The following LEMD1 variants were observed in gnomAD, a reference collection of about 807,000 sequenced individuals.
The protein encoded by LEMD1 is LEM domain-containing protein 1.
A neutral mutation model predicts 17.4 loss-of-function variants in LEMD1; 18 were observed. The observed-to-expected ratio is 1.04, with a 90% CI of 0.72 to 1.54. The LOEUF (loss-of-function observed/expected upper bound fraction) is 1.54. LEMD1 is among the 40% of genes most tolerant of loss of function. LEMD1 has a pLI of 0.00. For missense variants in LEMD1, 195 were observed against 210.4 expected (o/e 0.93, Z 0.45); for synonymous variants, 88 against 77.8 (o/e 1.13, Z -0.69).
At chr1:205,428,440 T>C (rs1014742557) in intron 1 of LEMD1, among the ~76,000 whole-genome samples, 5 of 152,208 alleles carry the variant, frequency 3.3e-5, no homozygotes, top group Non-Finnish European at 7.3e-5. Flanking sequence ...CCCTACCACA[T>C]GCTTTGCACT....
At chr1:205,422,811 C>T (rs1372025279), upstream of LEMD1, among the ~76,000 whole-genome samples, 1 of 152,176 alleles carries the variant, frequency 6.6e-6, no homozygotes, top group Non-Finnish European at 1.5e-5. Flanking sequence ...GTGAAGAGGA[C>T]AGTGGAGACA....
intron 1 of LEMD1, among the ~76,000 whole-genome samples, chr1:205,421,186 A>T (rs963646264): frequency 1.3e-5 from 2 of 152,208 alleles, no homozygotes; most frequent in Non-Finnish European, 2.9e-5. Context: ...ACACAAATTG[A>T]TTCATATAGA....
At chr1:205,418,811 G>C (rs112076884) in intron 3 of LEMD1, among the ~76,000 whole-genome samples, 2 of 152,274 alleles carry the variant, frequency 1.3e-5, no homozygotes, top group African/African-American at 4.8e-5. Flanking sequence ...GGAGCCATCA[G>C]TGTGGCTCAT....
upstream of LEMD1, among the ~76,000 whole-genome samples, chr1:205,422,801 G>A (rs535659303): frequency 6.6e-6 from 1 of 152,316 alleles, no homozygotes; most frequent in African/African-American, 2.4e-5. Flanking sequence ...TCTGAAAGGG[G>A]TGAAGAGGAC....
chr1:205,384,489 G>T (rs1335272648), intron 4 of LEMD1, 125 bp from the exon 5 acceptor site: 2 of 543,734 alleles, frequency 3.7e-6, no homozygotes, highest in African/African-American at 4.0e-5. Context: ...AGGTAGTTTG[G>T]TACTTTAAAA....
At chr1:205,389,037 CTTTTTTTTTTT>C (rs61341380) in intron 4 of LEMD1, among the ~76,000 whole-genome samples, 82 of 77,846 alleles carry the variant, frequency 1.1e-3, no homozygotes, top group Admixed American at 5.9e-3. Flanking sequence ...CATTTGCTTT[CTTTTTTTTTTT>C]TTTTTTTTTT....
chr1:205,390,424 T>C (rs972099278), intron 4 of LEMD1, among the ~76,000 whole-genome samples: 2 of 150,916 alleles, frequency 1.3e-5, no homozygotes, highest in Non-Finnish European at 2.9e-5. Flanking sequence ...ATAAAAGACA[T>C]GTTCAAAAAC....
chr1:205,415,065 G>C (rs1418346625), intron 4 of LEMD1, among the ~76,000 whole-genome samples: 1 of 152,138 alleles, frequency 6.6e-6, no homozygotes, highest in Non-Finnish European at 1.5e-5. Flanking sequence ...GGACAGTGGG[G>C]AGGTTGTGGA....
intron 1 of LEMD1, chr1:205,435,158 G>A (rs16855586): frequency 0.11 from 17,012 of 152,228 alleles, 1,077 homozygotes; most frequent in Non-Finnish European, 0.13. Flanking sequence ...CAGACCTGTC[G>A]CCAGGGTTGT....
At chr1:205,433,111 C>T (rs1156313468) in intron 1 of LEMD1, among the ~76,000 whole-genome samples, 1 of 152,202 alleles carries the variant, frequency 6.6e-6, no homozygotes, top group Non-Finnish European at 1.5e-5. Context: ...AGCCCTGGAG[C>T]ACTTTGCTTG....
intron 1 of LEMD1, among the ~76,000 whole-genome samples, chr1:205,431,501 T>G (rs1448680697): frequency 2.0e-5 from 3 of 152,176 alleles, no homozygotes; most frequent in African/African-American, 4.8e-5. Context: ...CTAGGGAGAT[T>G]GAGTGACTTC....
intron 2 of LEMD1, among the ~76,000 whole-genome samples, chr1:205,419,784 T>G (rs1344570147): frequency 2.0e-5 from 3 of 152,136 alleles, no homozygotes; most frequent in Admixed American, 1.3e-4. Flanking sequence ...GCTTTTTAAA[T>G]GAGGTAGACT....
upstream of LEMD1, among the ~76,000 whole-genome samples, chr1:205,424,289 A>T (rs1436168039): frequency 6.6e-6 from 1 of 152,230 alleles, no homozygotes; most frequent in East Asian, 1.9e-4. Context: ...AAGGAAGTGG[A>T]AAGCGGAGGC....
chr1:205,429,095 C>A (rs1666093594), intron 1 of LEMD1, among the ~76,000 whole-genome samples: 1 of 152,244 alleles, frequency 6.6e-6, no homozygotes, highest in Admixed American at 6.5e-5. Flanking sequence ...CAGACAGTTG[C>A]CTCAGGCAAT....
At position 205,383,250 on chromosome 1, in the gene LEMD1, T is replaced by C. The variant is rs536345900; in HGVS notation, c.347+1038A>G. Among the ~76,000 whole-genome samples, 6 of 152,210 alleles carry C rather than the reference T, an allele frequency of 3.9e-5. No individual in the cohort carries two copies. In the South Asian group the frequency reaches 1.2e-3, roughly 32 times the overall value. On this transcript the variant is annotated intron_variant, in intron 5 of 5. Transcript: ENST00000367153. ...CTGGGACTGTAGGCACATACCACCA[T>C]GCCTGGCTAATTTTTAAATTTTTCT...
intron 3 of LEMD1, among the ~76,000 whole-genome samples, chr1:205,416,539 T>C (rs2102428586): frequency 6.6e-6 from 1 of 152,244 alleles, no homozygotes; most frequent in South Asian, 2.1e-4. Flanking sequence ...CCAAGAGAAA[T>C]ACACAAGCTG....
chr1:205,406,475 T>A (rs527916673), intron 4 of LEMD1, among the ~76,000 whole-genome samples: 54 of 152,230 alleles, frequency 3.5e-4, no homozygotes, highest in Non-Finnish European at 6.2e-4. Flanking sequence ...GTGCTAGCAA[T>A]CAGCGAGACT....
intron 4 of LEMD1, among the ~76,000 whole-genome samples, chr1:205,394,376 T>A (rs1664489088): frequency 6.6e-6 from 1 of 151,910 alleles, no homozygotes; most frequent in African/African-American, 2.4e-5. Context: ...ATTTAATTAA[T>A]TAATTAATTA....
chr1:205,444,651 AG>A (rs1243917201), intron 1 of LEMD1, among the ~76,000 whole-genome samples: 1 of 152,152 alleles, frequency 6.6e-6, no homozygotes, highest in Non-Finnish European at 1.5e-5. Flanking sequence ...AGAGAAATCC[AG>A]GGCCCCAGGC....
Sources: gnomAD v4.1 joint callset for allele counts (sites outside exome capture counted in the v4.1 genomes callset) on GRCh38, gnomAD v4.1.1 for gene constraint, MANE v1.5 for transcripts, NCBI Gene and HGNC (gene_info 2026-07-23, HGNC 2026-07-21) for gene names.